Variants in PRKCA observed in about 807,000 individuals in gnomAD.
The protein encoded by PRKCA is protein kinase C alpha type.
PRKCA carries 27 observed loss-of-function variants against 87.0 expected under a neutral mutation model. That is an observed-to-expected ratio of 0.31 (90% CI 0.23 to 0.43). PRKCA has a LOEUF of 0.43. Among genes scored for constraint, PRKCA ranks in the 20% least tolerant of loss-of-function variants. PRKCA has a pLI of 1.00. For synonymous variants in PRKCA, 329 were observed against 311.1 expected (o/e 1.06, Z -0.61); for missense variants, 518 against 852.3 (o/e 0.61, Z 4.88).
chr17:66,698,915 G>C (rs1414954943), intron 8 of PRKCA, among the ~76,000 whole-genome samples: 1 of 151,796 alleles, frequency 6.6e-6, no homozygotes, highest in Admixed American at 6.6e-5. Flanking sequence ...GGGAGGCAGA[G>C]ATTGCAGTGA....
chr17:66,659,907 A>T lies in PRKCA; in HGVS notation c.529+14396A>T, dbSNP rs115699902. ...TCGTGCTGATGACTTGAACTGGCAG[A>T]TAGCTTACAGCTATCCATTATTTAA... On this transcript the variant is annotated intron_variant, in intron 5 of 16. Coordinates refer to ENST00000413366, the MANE Select transcript of PRKCA (RefSeq NM_002737.3). Among the ~76,000 whole-genome samples, 831 of 152,314 alleles carry T rather than the reference A, an allele frequency of 5.5e-3. 13 individuals carry two copies. The highest frequency in any genetic ancestry group is 0.019 in the African/African-American group (786 of 41,562).
At chr17:66,349,642 C>T (rs910477965) in intron 2 of PRKCA, among the ~76,000 whole-genome samples, 2 of 152,064 alleles carry the variant, frequency 1.3e-5, no homozygotes, top group East Asian at 1.9e-4. Flanking sequence ...GAGGGTTTTC[C>T]CGGGCCTTTA....
intron 2 of PRKCA, among the ~76,000 whole-genome samples, chr17:66,486,503 C>T (rs560417910): frequency 3.3e-5 from 5 of 152,108 alleles, no homozygotes; most frequent in South Asian, 2.1e-4. Context: ...TGGTGATTGC[C>T]GGACTGTTCT....
At chr17:66,585,162 T>C (rs1347803084) in intron 3 of PRKCA, among the ~76,000 whole-genome samples, 2 of 152,024 alleles carry the variant, frequency 1.3e-5, no homozygotes, top group Non-Finnish European at 2.9e-5. Context: ...ATTTACATAG[T>C]GTAGGAAGAA....
intron 3 of PRKCA, among the ~76,000 whole-genome samples, chr17:66,530,405 T>C (rs142281284): frequency 2.0e-5 from 3 of 152,298 alleles, no homozygotes; most frequent in African/African-American, 7.2e-5. Context: ...ACAGGGAAAC[T>C]GAAAAATACT....
intron 3 of PRKCA, among the ~76,000 whole-genome samples, chr17:66,509,081 G>C (rs9896921): frequency 4.6e-5 from 7 of 151,990 alleles, no homozygotes; most frequent in African/African-American, 1.7e-4. Context: ...TTCCCCTGGC[G>C]CTGTGTTTCC....
At chr17:66,656,588 G>T (rs981347023) in intron 5 of PRKCA, among the ~76,000 whole-genome samples, 1 of 152,182 alleles carries the variant, frequency 6.6e-6, no homozygotes, top group East Asian at 1.9e-4. Context: ...GCTTGCAAAT[G>T]ATGTCTTTTC....
At chr17:66,658,325 C>A (rs1350951731) in intron 5 of PRKCA, among the ~76,000 whole-genome samples, 1 of 152,150 alleles carries the variant, frequency 6.6e-6, no homozygotes, top group East Asian at 1.9e-4. Flanking sequence ...ACTAAAAATA[C>A]AAGAAATTAG....
chr17:66,571,024 A>G (rs912769573), intron 3 of PRKCA, among the ~76,000 whole-genome samples: 3 of 152,230 alleles, frequency 2.0e-5, no homozygotes, highest in Non-Finnish European at 4.4e-5. Context: ...GCAAATTGCA[A>G]CTGCAGAGTC....
chr17:66,520,125 ATTTT>A (rs35377147), intron 3 of PRKCA, among the ~76,000 whole-genome samples: 2 of 133,950 alleles, frequency 1.5e-5, no homozygotes. Flanking sequence ...CACACTAATA[ATTTT>A]TTTTTTTTTT....
chr17:66,442,952 T>G (rs560104477), intron 2 of PRKCA, among the ~76,000 whole-genome samples: 70 of 152,230 alleles, frequency 4.6e-4, no homozygotes, highest in Non-Finnish European at 7.6e-4. Context: ...AACGCTGCCA[T>G]TGTTGACCTG....
At chr17:66,567,264 C>T (rs917736316) in intron 3 of PRKCA, among the ~76,000 whole-genome samples, 3 of 152,044 alleles carry the variant, frequency 2.0e-5, no homozygotes, top group African/African-American at 7.2e-5. Context: ...AAACAGGTGC[C>T]GAGGTGACAA....
intron 8 of PRKCA, among the ~76,000 whole-genome samples, chr17:66,693,339 A>G (rs899376009): frequency 5.9e-5 from 9 of 152,226 alleles, no homozygotes; most frequent in Admixed American, 2.0e-4. Context: ...GTCATCAAGT[A>G]AAGTACACGT....
chr17:66,575,890 T>C (rs1292215774), intron 3 of PRKCA, among the ~76,000 whole-genome samples: 1 of 151,734 alleles, frequency 6.6e-6, no homozygotes, highest in Non-Finnish European at 1.5e-5. Flanking sequence ...CCAAGGTGGG[T>C]GGATCATGAG....
chr17:66,748,109 A>G (rs1448853891), intron 13 of PRKCA, among the ~76,000 whole-genome samples: 1 of 152,224 alleles, frequency 6.6e-6, no homozygotes, highest in Non-Finnish European at 1.5e-5. Context: ...AAGCTTGCAG[A>G]CGTGGTTGCC....
At chr17:66,635,269 A>T (rs1206895631) in intron 3 of PRKCA, among the ~76,000 whole-genome samples, 1 of 148,912 alleles carries the variant, frequency 6.7e-6, no homozygotes, top group Non-Finnish European at 1.5e-5. Context: ...GATGAATTTG[A>T]TGAATTTGGT....
At chr17:66,535,261 A>C (rs932995374) in intron 3 of PRKCA, among the ~76,000 whole-genome samples, 1 of 152,108 alleles carries the variant, frequency 6.6e-6, no homozygotes, top group Non-Finnish European at 1.5e-5. Flanking sequence ...TGCACATCTC[A>C]TATTTTGCCA....
At chr17:66,334,080 A>G (rs926588778) in intron 2 of PRKCA, among the ~76,000 whole-genome samples, 16 of 152,096 alleles carry the variant, frequency 1.1e-4, no homozygotes, top group Non-Finnish European at 2.1e-4. Context: ...GTGAAACCCC[A>G]TCTCTACTAA....
At chr17:66,584,761 C>T (rs534039780) in intron 3 of PRKCA, among the ~76,000 whole-genome samples, 4 of 152,276 alleles carry the variant, frequency 2.6e-5, no homozygotes, top group South Asian at 2.1e-4. Flanking sequence ...AAATCCCCTT[C>T]GTCTTTCTGA....
Sources: allele counts gnomAD v4.1 joint callset (sites outside exome capture counted in the v4.1 genomes callset), GRCh38; gene constraint gnomAD v4.1.1; transcripts MANE v1.5; gene names NCBI Gene and HGNC (gene_info 2026-07-23, HGNC 2026-07-21).